The following ABCG8 variants were observed in gnomAD, a reference collection of about 807,000 sequenced individuals.
ABCG8 encodes the protein ATP binding cassette subfamily G member 8.
ABCG8 carries 81 observed loss-of-function variants against 71.3 expected under a neutral mutation model. That is an observed-to-expected ratio of 1.14 (90% CI 0.95 to 1.37). The LOEUF (loss-of-function observed/expected upper bound fraction) is 1.37. Among genes scored for constraint, ABCG8 ranks in the 40% most tolerant of loss-of-function variants. ABCG8 has a pLI of 0.00. For synonymous variants in ABCG8, 451 were observed against 354.7 expected, an observed-to-expected ratio of 1.27 and a Z score of -3.05; for missense variants, 1,119 against 866.2, an observed-to-expected ratio of 1.29 and a Z score of -3.66.
intron 8 of ABCG8, 89 bp downstream of exon 8, chr2:43,872,395 A>G: frequency 7.0e-7 from 1 of 1,422,400 alleles, no homozygotes; most frequent in Non-Finnish European, 9.7e-7. Flanking sequence ...AGTGAATTTA[A>G]AGGAGAAAGT....
rs1670026450 is a variant in ABCG8 at position 43,878,214 on chromosome 2, C to A, written c.*301C>A. 3 of 413,418 alleles carry A rather than the reference C, an allele frequency of 7.3e-6. No individual in the cohort carries two copies. Among genetic ancestry groups the A allele is most frequent in the Non-Finnish European group, 1.4e-5 (3 of 218,354 alleles). 25.6% of individuals were successfully genotyped at this position (413,418 alleles called of 1,614,324 possible). ...TTGATATGCATTTATATAGGCAACTCGATATAGGATGGGAGCAAACTAGGA... is the reference window on the plus strand; with the variant it reads ...TTGATATGCATTTATATAGGCAACTAGATATAGGATGGGAGCAAACTAGGA... On this transcript the variant is annotated 3_prime_UTR_variant, in exon 13 of 13. Coordinates refer to ENST00000272286, the MANE Select transcript of ABCG8 (RefSeq NM_022437.3).
Position 43,872,084 on chromosome 2 carries a change from A to G in ABCG8, c.1073A>G (p.Asp358Gly), listed in dbSNP as rs1193359721. The change falls in exon 7 of 13, where the codon GAC becomes GGC. Residue 358 changes from aspartate (D) to glycine (G), a missense_variant. Transcript: ENST00000272286. Reference sequence around the variant, plus strand: ...CTAGAAAAAGTGCGTGACTTAGATGACTTTCTATGGAAAGCAGAGACGAAG... The same window carrying G: ...CTAGAAAAAGTGCGTGACTTAGATGGCTTTCTATGGAAAGCAGAGACGAAG... ...LFLEKVRDLD[D>G]FLWKAETKDL... 5 of 1,614,110 alleles carry G rather than the reference A, an allele frequency of 3.1e-6. No individual in the cohort carries two copies. Among genetic ancestry groups the G allele is most frequent in the Admixed American group, 1.7e-5 (1 of 60,020 alleles).
At chr2:43,839,713 T>C (rs566416424) in intron 1 of ABCG8, among the ~76,000 whole-genome samples, 1 of 152,198 alleles carries the variant, frequency 6.6e-6, no homozygotes, top group Non-Finnish European at 1.5e-5. Flanking sequence ...TGAGCCACCG[T>C]GCCTGGCCAG....
At position 43,856,369 on chromosome 2, in the gene ABCG8, G is replaced by C. The variant is rs979004409; in HGVS notation, c.964+3501G>C. On this transcript the variant is annotated intron_variant, in intron 6 of 12. Transcript: ENST00000272286. ...AGAACTCTCACACCCTGTCTGGATA[G>C]AACTCTCACTCCCTGTCTGGATAGA... Among the ~76,000 whole-genome samples, 12 of 151,264 alleles carry C rather than the reference G, an allele frequency of 7.9e-5. 1 individual carries two copies. The highest frequency in any genetic ancestry group is 7.9e-4 in the Admixed American group (12 of 15,202).
Position 43,852,711 on chromosome 2 carries a change from C to T in ABCG8, c.807C>T (p.Leu269=), listed in dbSNP as rs923440895. 3 of 1,614,084 alleles carry T rather than the reference C, an allele frequency of 1.9e-6. No individual in the cohort carries two copies. Among genetic ancestry groups the T allele is most frequent in the African/African-American group, 2.7e-5 (2 of 74,928 alleles). ...AKGNRLVLIS[L]HQPRSDIFRL... ...GCAACCGGCTGGTGCTCATCTCCCT[C>T]CACCAGCCTCGCTCTGACATCTTCA... The change falls in exon 6 of 13, where the codon CTC becomes CTT. Residue 269 remains leucine (L), a synonymous_variant. Transcript: ENST00000272286.
At chr2:43,874,068 T>G (rs1669873316) in intron 9 of ABCG8, 82 bp downstream of exon 9, 10 of 1,325,520 alleles carry the variant, frequency 7.5e-6, no homozygotes, top group Non-Finnish European at 1.0e-5. Context: ...GGGAGCGGGT[T>G]TGATTTCATT....
At chr2:43,876,737 AATAT>A (rs997659690) in intron 11 of ABCG8, among the ~76,000 whole-genome samples, 2 of 148,326 alleles carry the variant, frequency 1.3e-5, no homozygotes, top group African/African-American at 5.1e-5. Context: ...AGACTGTGGG[AATAT>A]GGGAGAGAGA....
At chr2:43,872,330 T>A (rs766986994) in intron 8 of ABCG8, 24 bp downstream of exon 8, 5 of 1,604,620 alleles carry the variant, frequency 3.1e-6, no homozygotes, top group Non-Finnish European at 4.3e-6. Flanking sequence ...ATTTTATTAC[T>A]GAACCCGCCC....
chr2:43,876,178 T>C (rs1669953410), intron 11 of ABCG8, among the ~76,000 whole-genome samples: 1 of 152,110 alleles, frequency 6.6e-6, no homozygotes, highest in South Asian at 2.1e-4. Context: ...CCTCATCACA[T>C]CCCTCTCGAG....
chr2:43,865,800 G>C (rs1669512172), intron 6 of ABCG8, among the ~76,000 whole-genome samples: 2 of 151,430 alleles, frequency 1.3e-5, no homozygotes, highest in South Asian at 2.1e-4. Context: ...CATCTGGATA[G>C]AACTTTCACT....
At chr2:43,869,615 C>G (rs774251311) in intron 6 of ABCG8, among the ~76,000 whole-genome samples, 1 of 151,232 alleles carries the variant, frequency 6.6e-6, no homozygotes, top group Non-Finnish European at 1.5e-5. Flanking sequence ...GGATAGAACT[C>G]TCACTATCTT....
Position 43,878,059 on chromosome 2 carries a change from C to A in ABCG8, c.*146C>A. The A allele has an allele frequency of 1.7e-6, 2 of 1,152,094 alleles. No individual in the cohort carries two copies. Among genetic ancestry groups the A allele is most frequent in the Non-Finnish European group, 2.5e-6 (2 of 793,050 alleles). The allele number at this position is 1,152,094 out of a possible 1,614,324, so 71.4% of individuals were successfully genotyped here. A position where few individuals can be genotyped will look rare whatever the true frequency, so the allele number is the denominator to read the frequency against. On this transcript the variant is annotated 3_prime_UTR_variant, in exon 13 of 13. Transcript: ENST00000272286. ...TCCGGCCCAGGGTGCTGCAGTGGCA[C>A]AGACCAGCCACAGGATGGCAGTAGA...
chr2:43,877,448 G>A, intron 11 of ABCG8, 113 bp from the exon 12 acceptor site: 2 of 1,544,558 alleles, frequency 1.3e-6, no homozygotes, highest in Non-Finnish European at 1.8e-6. Flanking sequence ...GCAAATATGG[G>A]CAGACCATGG....
chr2:43,869,473 CTTTGGATGAAACTCTCAGTATCTG>C (rs1558845007), intron 6 of ABCG8, among the ~76,000 whole-genome samples: 1 of 151,838 alleles, frequency 6.6e-6, no homozygotes, highest in East Asian at 1.9e-4. Context: ...AATTCTCACT[CTTTGGATGAAACTCTCAGTATCTG>C]TCTGGATAGA....
In ABCG8 at chr2:43,852,859, G is replaced by A; in HGVS notation, c.955G>A (p.Asp319Asn). Residue 319 changes from aspartate (D) to asparagine (N), a missense_variant, in exon 6 of 13, where the codon GAC becomes AAC. By Grantham distance (23) the Asp-to-Asn change is conservative (BLOSUM62 1). Coordinates refer to ENST00000272286, the MANE Select transcript of ABCG8 (RefSeq NM_022437.3). ...YPCPRYSNPA[D>N]FYVDLTSIDR... ...CTGTCCTCGCTACAGCAATCCTGCT[G>A]ACTTCTATGGTGAGTCCCCAAGGCC... is the stretch of plus-strand genomic sequence containing the variant. The A allele has an allele frequency of 2.5e-6, 4 of 1,614,042 alleles. No homozygotes were observed. Among genetic ancestry groups the A allele is most frequent in the Non-Finnish European group, 2.5e-6 (3 of 1,180,038 alleles).
chr2:43,853,222 A>G (rs1668988392), intron 6 of ABCG8, among the ~76,000 whole-genome samples: 1 of 152,202 alleles, frequency 6.6e-6, no homozygotes, highest in Non-Finnish European at 1.5e-5. Context: ...AAGTCACCAG[A>G]TCTTAAAACA....
chr2:43,873,963 T>A lies in ABCG8; in HGVS notation c.1388T>A (p.Val463Asp). 6.2e-7 allele frequency: 1 copy of A among 1,614,106 alleles called. No individual in the cohort carries two copies. The highest frequency in any genetic ancestry group is 8.5e-7 in the Non-Finnish European group (1 of 1,180,034). ...FMIGALIPFNVILDVISKCYS... is the reference protein window; with the variant it reads ...FMIGALIPFNDILDVISKCYS... ...ATCGGTGCTCTCATCCCTTTCAACG[T>A]CATTCTGGATGTCATCTCCAAATGT... Residue 463 changes from valine to aspartate, a missense_variant, in exon 9 of 13, where the codon GTC (valine) becomes GAC (aspartate). Physicochemically the swap from Val to Asp is radical, Grantham distance 152. Coordinates refer to ENST00000272286, the MANE Select transcript of ABCG8 (RefSeq NM_022437.3).
At chr2:43,856,519 T>C (rs1271200037) in intron 6 of ABCG8, among the ~76,000 whole-genome samples, 2 of 151,708 alleles carry the variant, frequency 1.3e-5, no homozygotes, top group Admixed American at 6.6e-5. Context: ...GGAAGAGAAC[T>C]CTCACTTTCT....
intron 6 of ABCG8, among the ~76,000 whole-genome samples, chr2:43,859,953 C>T (rs1387140423): frequency 6.6e-6 from 1 of 151,044 alleles, no homozygotes; most frequent in Non-Finnish European, 1.5e-5. Flanking sequence ...TACTCATTCT[C>T]TGGATAGAAC....
Sources: allele counts gnomAD v4.1 joint callset (sites outside exome capture counted in the v4.1 genomes callset), GRCh38; gene constraint gnomAD v4.1.1; transcripts MANE v1.5; gene names NCBI Gene and HGNC (gene_info 2026-07-23, HGNC 2026-07-21).